Variants in TAPT1 observed in about 807,000 individuals in gnomAD.
TAPT1 encodes transmembrane anterior posterior transformation protein 1 homolog.
A neutral mutation model predicts 65.6 loss-of-function variants in TAPT1; 28 were observed. The observed-to-expected ratio is 0.43, with a 90% CI of 0.32 to 0.59. The LOEUF (loss-of-function observed/expected upper bound fraction) is 0.59. Among genes scored for constraint, TAPT1 ranks in the 20% least tolerant of loss-of-function variants. The pLI, the probability that TAPT1 is intolerant of heterozygous loss-of-function variation, is 0.09. For missense variants in TAPT1, 563 were observed against 679.9 expected (o/e 0.83, Z 1.91); for synonymous variants, 278 against 245.2 (o/e 1.13, Z -1.25).
chr4:16,174,801 T>A, intron 9 of TAPT1, 72 bp from the exon 10 acceptor site: 1 of 1,084,894 alleles, frequency 9.2e-7, no homozygotes, highest in East Asian at 2.9e-5. Flanking sequence ...TGCAACTTTA[T>A]TAATAAAAAC....
At chr4:16,222,915 C>T (rs1347224487) in intron 1 of TAPT1, among the ~76,000 whole-genome samples, 1 of 152,192 alleles carries the variant, frequency 6.6e-6, no homozygotes. Flanking sequence ...TTCACCTATA[C>T]CCGACTTCAG....
chr4:16,173,580 G>A (rs1182944471), intron 11 of TAPT1, among the ~76,000 whole-genome samples: 1 of 152,096 alleles, frequency 6.6e-6, no homozygotes, highest in Non-Finnish European at 1.5e-5. Context: ...GGGTATAAAA[G>A]CAGGAATTTT....
chr4:16,208,783 C>T (rs1418583058), intron 2 of TAPT1, among the ~76,000 whole-genome samples: 1 of 152,176 alleles, frequency 6.6e-6, no homozygotes, highest in Non-Finnish European at 1.5e-5. Context: ...AAAAGCATTC[C>T]TAAGAAATAT....
At chr4:16,214,932 G>A (rs1750849456) in intron 1 of TAPT1, among the ~76,000 whole-genome samples, 1 of 152,182 alleles carries the variant, frequency 6.6e-6, no homozygotes, top group Admixed American at 6.5e-5. Context: ...ATCTACTTAA[G>A]GAGTTGCACC....
At chr4:16,197,100 A>G (rs1447025772) in intron 3 of TAPT1, among the ~76,000 whole-genome samples, 1 of 152,188 alleles carries the variant, frequency 6.6e-6, no homozygotes, top group Non-Finnish European at 1.5e-5. Context: ...AAGGTTAGGA[A>G]ACTCTCAAGC....
In TAPT1 at chr4:16,163,483, T is replaced by C. The variant is rs1258305087; in HGVS notation, c.1529A>G (p.Gln510Arg). ...SASITKQPIH[Q>R]KENIIPLLVT... ...AAGTAATGGTATGATATTTTCCTTT[T>C]GATGAATAGGTTGTTTGGTGATGGA... The change falls in exon 14 of 14, where the codon CAA (glutamine) becomes CGA (arginine). Residue 510 changes from glutamine (Q) to arginine (R), a missense_variant. By Grantham distance (43) the Gln-to-Arg change is conservative. Coordinates refer to ENST00000405303, the MANE Select transcript of TAPT1 (RefSeq NM_153365.3). 6.2e-7 allele frequency: 1 copy of C among 1,614,022 alleles called. No individual in the cohort carries two copies. Among genetic ancestry groups the C allele is most frequent in the South Asian group, 1.1e-5 (1 of 91,076 alleles).
chr4:16,212,619 C>T (rs557222935), intron 2 of TAPT1, among the ~76,000 whole-genome samples: 1 of 152,300 alleles, frequency 6.6e-6, no homozygotes, highest in African/African-American at 2.4e-5. Flanking sequence ...CTGTAAGTCC[C>T]TCAGGCCCCC....
At chr4:16,192,388 A>G (rs754025334) in intron 3 of TAPT1, among the ~76,000 whole-genome samples, 2 of 152,326 alleles carry the variant, frequency 1.3e-5, no homozygotes, top group Non-Finnish European at 2.9e-5. Flanking sequence ...ACAGTTATTT[A>G]TATTTCATAT....
chr4:16,223,187 C>T (rs1392731935), intron 1 of TAPT1, among the ~76,000 whole-genome samples: 1 of 152,194 alleles, frequency 6.6e-6, no homozygotes, highest in Non-Finnish European at 1.5e-5. Context: ...ACAACCCAAC[C>T]AAGCCAAAAA....
chr4:16,182,965 C>T (rs142530283), intron 7 of TAPT1: 4 of 152,228 alleles, frequency 2.6e-5, no homozygotes, highest in East Asian at 1.9e-4. Context: ...CCTTACACTA[C>T]GTATCTGGCA....
At chr4:16,189,790 T>G (rs1248039569) in intron 4 of TAPT1, among the ~76,000 whole-genome samples, 1 of 152,174 alleles carries the variant, frequency 6.6e-6, no homozygotes, top group Non-Finnish European at 1.5e-5. Flanking sequence ...CTCGGCCTAT[T>G]TTCTAGTAAC....
intron 11 of TAPT1, among the ~76,000 whole-genome samples, chr4:16,172,129 G>A (rs1209588369): frequency 1.3e-5 from 2 of 151,984 alleles, no homozygotes; most frequent in African/African-American, 4.8e-5. Context: ...GCACACTGCA[G>A]GTGTTCCAAA....
rs1296116106 is a variant in TAPT1, at chr4:16,226,385, C to T, written c.73G>A (p.Gly25Ser). The T allele has an allele frequency of 1.5e-4, 163 of 1,101,420 alleles. No homozygotes were observed. The highest frequency in any genetic ancestry group is 1.7e-4 in the Non-Finnish European group (155 of 905,788). 68.2% of individuals were successfully genotyped at this position (1,101,420 alleles called of 1,614,324 possible). A position where few individuals can be genotyped will look rare whatever the true frequency, so the allele number is the denominator to read the frequency against. ...CCCGGCTGCTCCGCCTCGCCGCGGC[C>T]GTCCCGCTGCGGGCCGTCCACGCCG... is the stretch of plus-strand genomic sequence containing the variant. The part of the protein sequence containing the change: ...GGGVDGPQRD[G>S]RGEAEQPGGS... Residue 25 changes from glycine to serine, a missense_variant, in exon 1 of 14, where the codon GGC (glycine) becomes AGC (serine). Coordinates refer to ENST00000405303, the MANE Select transcript of TAPT1 (RefSeq NM_153365.3).
chr4:16,166,703 C>T lies in TAPT1; in HGVS notation c.1404G>A (p.Ser468=), dbSNP rs779917644. The change falls in exon 13 of 14, where the codon TCG becomes TCA. Residue 468 remains serine (S), a synonymous_variant. Transcript: ENST00000405303. ...CTGGAGTGCAGGTTGCGGGAGGATT[C>T]GACAGCTTCTCTTCCATTTTGGCTT... ...VKEAKMEEKL[S]NPPATCTPGK... The T allele has an allele frequency of 7.4e-6, 12 of 1,613,844 alleles. No homozygotes were observed. The highest frequency in any genetic ancestry group is 2.2e-5 in the South Asian group (2 of 91,084).
At chr4:16,210,044 C>T (rs140786563) in intron 2 of TAPT1, among the ~76,000 whole-genome samples, 112 of 152,312 alleles carry the variant, frequency 7.4e-4, no homozygotes, top group African/African-American at 2.6e-3. Flanking sequence ...CAGGCATGTG[C>T]CCATTGAGGC....
At position 16,219,811 on chromosome 4, in the gene TAPT1, G is replaced by A. The variant is rs75997129; in HGVS notation, c.200-5913C>T. On this transcript the variant is annotated intron_variant, in intron 1 of 13. Transcript: ENST00000405303. ...TATGAAAAAACTGAGGTTCACAGAA[G>A]TTGAGAGACTTGTCCAAAGTCATTG... Among the ~76,000 whole-genome samples the A allele has an allele frequency of 3.1e-3, 472 of 152,288 alleles. 3 individuals carry two copies. The highest frequency in any genetic ancestry group is 0.011 in the African/African-American group (444 of 41,542).
chr4:16,166,857 C>A, intron 12 of TAPT1, 64 bp from the exon 13 acceptor site: 2 of 1,520,732 alleles, frequency 1.3e-6, no homozygotes, highest in South Asian at 1.1e-5. Context: ...TGAATGCCAT[C>A]TACTACCATG....
chr4:16,218,719 C>T (rs1312529136), intron 1 of TAPT1, among the ~76,000 whole-genome samples: 1 of 152,230 alleles, frequency 6.6e-6, no homozygotes, highest in Non-Finnish European at 1.5e-5. Flanking sequence ...TATATAAAAA[C>T]TGCAAAGCAT....
intron 1 of TAPT1, among the ~76,000 whole-genome samples, chr4:16,215,163 C>T (rs1002428922): frequency 6.6e-6 from 1 of 151,970 alleles, no homozygotes. Context: ...TGCCGGTGGG[C>T]GCCTGTAGTC....
Sources: allele counts gnomAD v4.1 joint callset (sites outside exome capture counted in the v4.1 genomes callset), GRCh38; gene constraint gnomAD v4.1.1; transcripts MANE v1.5; gene names NCBI Gene and HGNC (gene_info 2026-07-23, HGNC 2026-07-21).